The following ANKS1B variants were observed in gnomAD, a reference collection of about 807,000 sequenced individuals.
ANKS1B encodes the protein ankyrin repeat and sterile alpha motif domain-containing protein 1B.
A neutral mutation model predicts 148.3 loss-of-function variants in ANKS1B; 36 were observed. That is an observed-to-expected ratio of 0.24 (90% CI 0.19 to 0.32). The LOEUF is 0.32. Among genes scored for constraint, ANKS1B ranks in the 10% least tolerant of loss-of-function variants. ANKS1B has a pLI of 1.00. For missense variants in ANKS1B, 1,157 were observed against 1,542.6 expected, an observed-to-expected ratio of 0.75 and a Z score of 4.19; for synonymous variants, 542 against 560.8, an observed-to-expected ratio of 0.97 and a Z score of 0.47.
At chr12:99,338,904 G>T (rs974428795) in intron 12 of ANKS1B, among the ~76,000 whole-genome samples, 11 of 152,140 alleles carry the variant, frequency 7.2e-5, no homozygotes, top group Admixed American at 6.5e-5. Context: ...TTATTTCCGA[G>T]TTGAAAGATG....
chr12:98,784,768 A>G (rs2153528804), intron 22 of ANKS1B, among the ~76,000 whole-genome samples: 2 of 152,306 alleles, frequency 1.3e-5, no homozygotes, highest in Middle Eastern at 6.8e-3. Context: ...AGTTGAACAA[A>G]AAAAAGAAAA....
chr12:99,608,383 C>T (rs1427552308), intron 9 of ANKS1B, among the ~76,000 whole-genome samples: 1 of 152,088 alleles, frequency 6.6e-6, no homozygotes, highest in Non-Finnish European at 1.5e-5. Context: ...CCTGAGGCTT[C>T]TCTTATGTGA....
chr12:98,841,711 G>A (rs902686927), intron 17 of ANKS1B, among the ~76,000 whole-genome samples: 1 of 152,018 alleles, frequency 6.6e-6, no homozygotes, highest in African/African-American at 2.4e-5. Flanking sequence ...GTATTATAAG[G>A]AAAGCAGAGG....
At chr12:99,495,193 T>C (rs2096592140) in intron 10 of ANKS1B, among the ~76,000 whole-genome samples, 2 of 152,164 alleles carry the variant, frequency 1.3e-5, no homozygotes, top group Admixed American at 1.3e-4. Flanking sequence ...TTGCATAGGA[T>C]AGCATACACG....
At chr12:99,295,659 G>C (rs948892788) in intron 12 of ANKS1B, among the ~76,000 whole-genome samples, 1 of 152,068 alleles carries the variant, frequency 6.6e-6, no homozygotes, top group Non-Finnish European at 1.5e-5. Flanking sequence ...TTGTTATATA[G>C]GTATACTTGC....
chr12:99,621,479 A>G (rs2098049636), intron 9 of ANKS1B, among the ~76,000 whole-genome samples: 1 of 150,438 alleles, frequency 6.6e-6, no homozygotes, highest in African/African-American at 2.4e-5. Flanking sequence ...AAAAAAAAAC[A>G]AGACCCATCT....
chr12:99,617,504 G>C (rs554431947), intron 9 of ANKS1B, among the ~76,000 whole-genome samples: 34 of 128,640 alleles, frequency 2.6e-4, no homozygotes, highest in African/African-American at 1.0e-3. Flanking sequence ...GATGAAGCTG[G>C]AAACCATCAT....
chr12:98,858,532 G>A (rs2099583342), intron 17 of ANKS1B, among the ~76,000 whole-genome samples: 1 of 152,146 alleles, frequency 6.6e-6, no homozygotes, highest in African/African-American at 2.4e-5. Context: ...TAGAGATGGG[G>A]TTTCGTCATG....
At chr12:99,501,297 A>C (rs1324635517) in intron 10 of ANKS1B, among the ~76,000 whole-genome samples, 2 of 152,114 alleles carry the variant, frequency 1.3e-5, no homozygotes, top group Admixed American at 6.5e-5. Context: ...TATAGGCTTA[A>C]TTATTAGAAA....
chr12:99,918,157 G>A (rs923270761), intron 1 of ANKS1B, among the ~76,000 whole-genome samples: 16 of 152,212 alleles, frequency 1.1e-4, no homozygotes, highest in Admixed American at 8.5e-4. Flanking sequence ...TGGAACTGCT[G>A]CTCTACAGCG....
intron 15 of ANKS1B, among the ~76,000 whole-genome samples, chr12:99,136,578 T>C (rs1046550657): frequency 6.6e-6 from 1 of 152,328 alleles, no homozygotes; most frequent in Admixed American, 6.5e-5. Flanking sequence ...GAGATGATAG[T>C]ATTGACAATG....
intron 17 of ANKS1B, among the ~76,000 whole-genome samples, chr12:98,941,145 T>C (rs1007567462): frequency 6.6e-6 from 1 of 152,206 alleles, no homozygotes; most frequent in African/African-American, 2.4e-5. Flanking sequence ...GTTTTATATG[T>C]GTTTCTGTTT....
intron 17 of ANKS1B, among the ~76,000 whole-genome samples, chr12:99,036,952 A>T (rs60595016): frequency 0.039 from 5,888 of 152,286 alleles, 393 homozygotes; most frequent in African/African-American, 0.13. Flanking sequence ...TGTGTCACAG[A>T]TTAATTGGCA....
intron 11 of ANKS1B, among the ~76,000 whole-genome samples, chr12:99,435,204 C>A (rs1242632057): frequency 6.6e-6 from 1 of 152,062 alleles, no homozygotes. Flanking sequence ...TTTCCCTCCC[C>A]TGTATTAGGT....
At chr12:99,202,392 C>T (rs1183479099) in intron 14 of ANKS1B, among the ~76,000 whole-genome samples, 4 of 152,226 alleles carry the variant, frequency 2.6e-5, no homozygotes, top group Non-Finnish European at 5.9e-5. Context: ...TGTTTACACA[C>T]ATTGGCTACT....
chr12:99,065,835 A>G (rs2044105190), intron 16 of ANKS1B, among the ~76,000 whole-genome samples: 1 of 152,254 alleles, frequency 6.6e-6, no homozygotes, highest in Non-Finnish European at 1.5e-5. Flanking sequence ...GAAGACAGAT[A>G]ATAATTAATA....
intron 1 of ANKS1B, among the ~76,000 whole-genome samples, chr12:99,864,503 A>G (rs1285460641): frequency 2.6e-5 from 4 of 152,138 alleles, no homozygotes; most frequent in Non-Finnish European, 5.9e-5. Context: ...TATTCACACT[A>G]ATCTTCCCTC....
chr12:99,065,806 G>C (rs977843448), intron 16 of ANKS1B, among the ~76,000 whole-genome samples: 2 of 152,158 alleles, frequency 1.3e-5, no homozygotes, highest in Admixed American at 6.5e-5. Flanking sequence ...GTCCTTGTGG[G>C]GTTTACCTTC....
intron 11 of ANKS1B, among the ~76,000 whole-genome samples, chr12:99,417,121 T>A (rs969813092): frequency 3.9e-5 from 6 of 152,272 alleles, no homozygotes; most frequent in Non-Finnish European, 5.9e-5. Flanking sequence ...TGGTATCAAG[T>A]ATAAGAACTC....
Sources: allele counts gnomAD v4.1 joint callset (sites outside exome capture counted in the v4.1 genomes callset), GRCh38; gene constraint gnomAD v4.1.1; transcripts MANE v1.5; gene names NCBI Gene and HGNC (gene_info 2026-07-23, HGNC 2026-07-21).